NCAPD3: variants seen among roughly 807,000 people sequenced by gnomAD.
NCAPD3 encodes the protein non-SMC condensin II complex subunit D3, also known as condensin-2 complex subunit D3.
NCAPD3 carries 105 observed loss-of-function variants against 182.9 expected under a neutral mutation model. The ratio of observed to expected loss-of-function variants is 0.57; its 90% CI spans 0.49 to 0.68. NCAPD3 has a LOEUF of 0.68. Ranked by LOEUF, NCAPD3 falls within the 30% of genes least tolerant of loss-of-function variation. The pLI, the probability that NCAPD3 is intolerant of heterozygous loss-of-function variation, is 0.00. For synonymous variants in NCAPD3, 815 were observed against 679.9 expected (o/e 1.20, Z -3.09); for missense variants, 1,944 against 1,837.0 (o/e 1.06, Z -1.07).
At chr11:134,213,893 C>T (rs1335064729) in intron 3 of NCAPD3, among the ~76,000 whole-genome samples, 2 of 152,088 alleles carry the variant, frequency 1.3e-5, no homozygotes, top group Non-Finnish European at 1.5e-5. Flanking sequence ...ATCATAAATA[C>T]ATCTGTATCC....
chr11:134,178,853 G>A lies in NCAPD3; in HGVS notation c.2643C>T (p.Ser881=), dbSNP rs113976446. The change falls in exon 21 of 35, where the codon TCC becomes TCT. Residue 881 remains serine, a synonymous_variant. Transcript: ENST00000534548. The part of the protein sequence containing the change: ...VEKRIFLLIQ[S]VLASSADADH... ...CAGCATCAGCAGACGAAGCCAGGACGGACTGAATCAGAAGGAAGATGCGCT... is the reference window on the plus strand; with the variant it reads ...CAGCATCAGCAGACGAAGCCAGGACAGACTGAATCAGAAGGAAGATGCGCT... 2.3e-5 allele frequency: 37 copies of A among 1,614,060 alleles called. No individual in the cohort carries two copies. Among genetic ancestry groups the A allele is most frequent in the African/African-American group, 2.0e-4 (15 of 75,018 alleles).
Position 134,192,843 on chromosome 11 carries a change from A to G in NCAPD3, c.1891T>C (p.Cys631Arg). The change falls in exon 16 of 35, where the codon TGC becomes CGC. Residue 631 changes from cysteine (C) to arginine (R), a missense_variant. By Grantham distance (180) the Cys-to-Arg change is radical (BLOSUM62 -3). Around this residue, in one of 3 missense-constraint regions of NCAPD3, gnomAD observed 1,803 missense variants for 1,674.6 expected, o/e 1.08. Transcript: ENST00000534548. ...LRGVVPVVMD[C>R]ESTVQEKALE... ...GCCTTCTCCTGCACAGTGCTCTCGC[A>G]GTCCATCACCACCGGGACCACCCCC... 4 of 1,614,180 alleles carry G rather than the reference A, an allele frequency of 2.5e-6. No homozygotes were observed. The highest frequency in any genetic ancestry group is 3.4e-6 in the Non-Finnish European group (4 of 1,179,984).
chr11:134,194,775 G>T, intron 13 of NCAPD3, 37 bp from the exon 14 acceptor site: 1 of 1,451,944 alleles, frequency 6.9e-7, no homozygotes, highest in Non-Finnish European at 9.5e-7. Flanking sequence ...CACAGCTGGA[G>T]AAAAGTCACA....
chr11:134,164,997 C>G lies in NCAPD3; in HGVS notation c.3573+2999G>C, dbSNP rs78063313. On this transcript the variant is annotated intron_variant, in intron 27 of 34. Coordinates refer to ENST00000534548, the MANE Select transcript of NCAPD3 (RefSeq NM_015261.3). ...GTGGCATGCTCACTTGTGACACAAACTTAGGGAAGCTGCACACCCACTTGT... is the reference window on the plus strand; with the variant it reads ...GTGGCATGCTCACTTGTGACACAAAGTTAGGGAAGCTGCACACCCACTTGT... 2.9e-3 allele frequency among the ~76,000 whole-genome samples: 418 copies of G among 146,342 alleles called. 2 individuals carry two copies. Among genetic ancestry groups the G allele is most frequent in the African/African-American group, 1.0e-2 (389 of 38,938 alleles).
At chr11:134,168,360 G>A (rs1039811870) in intron 26 of NCAPD3, 109 bp downstream of exon 26, 3 of 1,526,678 alleles carry the variant, frequency 2.0e-6, no homozygotes, top group Non-Finnish European at 2.7e-6. Flanking sequence ...GATGACAGGG[G>A]TCTTCCTGCA....
At chr11:134,176,025 A>G (rs1944154032) in intron 24 of NCAPD3, among the ~76,000 whole-genome samples, 2 of 152,084 alleles carry the variant, frequency 1.3e-5, no homozygotes, top group South Asian at 4.2e-4. Context: ...GCAAGCATAT[A>G]ATATTCTTCA....
chr11:134,188,511 T>C (rs1650043254), intron 16 of NCAPD3, among the ~76,000 whole-genome samples: 1 of 152,238 alleles, frequency 6.6e-6, no homozygotes, highest in Non-Finnish European at 1.5e-5. Flanking sequence ...GGGTCCACAC[T>C]GCCTTTATGA....
intron 32 of NCAPD3, chr11:134,153,752 C>T (rs1243969224): frequency 7.9e-6 from 2 of 254,452 alleles, no homozygotes; most frequent in African/African-American, 4.4e-5. Context: ...TCTGCACCTC[C>T]ACGCGTGCCT....
At chr11:134,208,200 A>G (rs1937688831) in intron 7 of NCAPD3, among the ~76,000 whole-genome samples, 1 of 152,230 alleles carries the variant, frequency 6.6e-6, no homozygotes, top group Non-Finnish European at 1.5e-5. Flanking sequence ...AACGCGTCGC[A>G]GATACCAAAA....
chr11:134,169,474 C>A lies in NCAPD3; in HGVS notation c.3102-420G>T, dbSNP rs185550902. Among the ~76,000 whole-genome samples the A allele has an allele frequency of 3.3e-5, 5 of 152,292 alleles. No individual in the cohort carries two copies. The East Asian group carries it at 9.6e-4, about 29-fold the overall frequency. On this transcript the variant is annotated intron_variant, in intron 24 of 34. Coordinates refer to ENST00000534548, the MANE Select transcript of NCAPD3 (RefSeq NM_015261.3). ...TCACCTCCCAACTTCAAGTTTGTTGCCCACAATTATGAACAAAAACCAATT... is the reference window on the plus strand; with the variant it reads ...TCACCTCCCAACTTCAAGTTTGTTGACCACAATTATGAACAAAAACCAATT...
rs542239321 is a variant in NCAPD3 at position 134,182,378 on chromosome 11, T to C, written c.2452-1194A>G. Among the ~76,000 whole-genome samples, 8 of 152,340 alleles carry C rather than the reference T, an allele frequency of 5.3e-5. No homozygotes were observed. The South Asian group carries it at 1.5e-3, about 28-fold the overall frequency. Reference sequence around the variant, plus strand: ...TATAATTTCCATTCATTGGTCCAGATAGGTTGTCTGGGAATACCAAATAAA... The same window carrying C: ...TATAATTTCCATTCATTGGTCCAGACAGGTTGTCTGGGAATACCAAATAAA... On this transcript the variant is annotated intron_variant, in intron 19 of 34. Coordinates refer to ENST00000534548, the MANE Select transcript of NCAPD3 (RefSeq NM_015261.3).
intron 28 of NCAPD3, among the ~76,000 whole-genome samples, chr11:134,160,610 C>G (rs930404715): frequency 6.6e-6 from 1 of 152,158 alleles, no homozygotes; most frequent in Admixed American, 6.5e-5. Context: ...TTACAGAAAA[C>G]CTTTTCTCAT....
chr11:134,153,767 G>A lies in NCAPD3; in HGVS notation c.4253-404C>T, dbSNP rs1359968697. The A allele has an allele frequency of 3.0e-5, 7 of 236,578 alleles. No individual in the cohort carries two copies. The East Asian group carries it at 6.2e-4, about 21-fold the overall frequency. The allele number at this position is 236,578 out of a possible 1,614,324, so 14.7% of individuals were successfully genotyped here. A position where few individuals can be genotyped will look rare whatever the true frequency, so the allele number is the denominator to read the frequency against. On this transcript the variant is annotated intron_variant, in intron 32 of 34. Transcript: ENST00000534548. ...TCTGCACCTCCACGCGTGCCTGCTGGTTTCCAGCCAGTGACTGGAGCATGC... is the reference window on the plus strand; with the variant it reads ...TCTGCACCTCCACGCGTGCCTGCTGATTTCCAGCCAGTGACTGGAGCATGC...
intron 25 of NCAPD3, 68 bp downstream of exon 25, chr11:134,168,849 C>T (rs1466749190): frequency 5.2e-6 from 8 of 1,551,050 alleles, no homozygotes; most frequent in Non-Finnish European, 7.0e-6. Context: ...TGCAAAGAGC[C>T]TAACCTCCCC....
Position 134,202,884 on chromosome 11 carries a change from G to A in NCAPD3, c.1547C>T (p.Thr516Ile). The change falls in exon 13 of 35, where the codon ACA becomes ATA. Residue 516 changes from threonine (T) to isoleucine (I), a missense_variant. This residue lies in a region of NCAPD3 where 1,803 missense variants were observed against 1,674.6 expected (regional missense o/e 1.08). Coordinates refer to ENST00000534548, the MANE Select transcript of NCAPD3 (RefSeq NM_015261.3). ...NSSAFSYQRQ[T>I]SNRSEPSGEI... ...CCCTGAGGGTTCGGAACGGTTAGATGTCTGCCTTTGGTAGGAAAAAGCTTT... is the reference window on the plus strand; with the variant it reads ...CCCTGAGGGTTCGGAACGGTTAGATATCTGCCTTTGGTAGGAAAAAGCTTT... 1.9e-6 allele frequency: 3 copies of A among 1,604,130 alleles called. No homozygotes were observed. Among genetic ancestry groups the A allele is most frequent in the Non-Finnish European group, 2.5e-6 (3 of 1,177,512 alleles).
Position 134,151,022 on chromosome 11 carries a change from GC to G in NCAPD3, c.*1921del, listed in dbSNP as rs1452624448. 1 of 152,254 alleles carries G rather than the reference GC, an allele frequency of 6.6e-6. No homozygotes were observed. Among genetic ancestry groups the G allele is most frequent in the Non-Finnish European group, 1.5e-5 (1 of 68,062 alleles). The allele number at this position is 152,254 out of a possible 1,614,324, so 9.4% of individuals were successfully genotyped here. A position where few individuals can be genotyped will look rare whatever the true frequency, so the allele number is the denominator to read the frequency against. ...ACTCAGAAGCCTGTGTTCTTCAAGA[GC>G]AGGTGTTCTCAGCCTCACATGCCCT... On this transcript the variant is annotated 3_prime_UTR_variant, in exon 35 of 35. Transcript: ENST00000534548.
intron 2 of NCAPD3, among the ~76,000 whole-genome samples, chr11:134,217,752 C>A (rs888930983): frequency 6.6e-5 from 10 of 152,140 alleles, no homozygotes; most frequent in African/African-American, 1.7e-4. Flanking sequence ...AAAAGGCCCA[C>A]AAAATTCAAG....
chr11:134,225,230 A>G (rs760461423), upstream of NCAPD3: 48 of 1,613,954 alleles, frequency 3.0e-5, no homozygotes, highest in Non-Finnish European at 3.8e-5. Context: ...AGAAGGAGAA[A>G]TATTTCCTCT....
chr11:134,172,904 G>A (rs900028626), intron 24 of NCAPD3, among the ~76,000 whole-genome samples: 1 of 149,710 alleles, frequency 6.7e-6, no homozygotes, highest in Admixed American at 6.7e-5. Context: ...AGGTGGGAGG[G>A]TCACATGAAC....
Sources: allele counts gnomAD v4.1 joint callset (sites outside exome capture counted in the v4.1 genomes callset), GRCh38; gene constraint gnomAD v4.1.1; regional missense constraint gnomAD v4.1.1; transcripts MANE v1.5; gene names NCBI Gene and HGNC (gene_info 2026-07-23, HGNC 2026-07-21).